GON4L: variants seen among roughly 807,000 people sequenced by gnomAD.
GON4L encodes GON-4-like protein.
A neutral mutation model predicts 211.8 loss-of-function variants in GON4L; 87 were observed. The ratio of observed to expected loss-of-function variants is 0.41; its 90% CI spans 0.35 to 0.49. The LOEUF (loss-of-function observed/expected upper bound fraction) is 0.49, where lower values mean the gene tolerates loss of function less well. Ranked by LOEUF, GON4L falls within the 20% of genes least tolerant of loss-of-function variation. The pLI is 0.15. For synonymous variants in GON4L, 875 were observed against 962.6 expected, an observed-to-expected ratio of 0.91 and a Z score of 1.68; for missense variants, 2,155 against 2,659.5, an observed-to-expected ratio of 0.81 and a Z score of 4.17.
chr1:155,761,037 A>G (rs1447629717), intron 23 of GON4L, among the ~76,000 whole-genome samples: 1 of 152,212 alleles, frequency 6.6e-6, no homozygotes, highest in Non-Finnish European at 1.5e-5. Context: ...AATGTCAGTA[A>G]AACATTAGGA....
rs140223408 is a variant in GON4L at position 155,834,349 on chromosome 1, T to C, written c.506-7321A>G. Among the ~76,000 whole-genome samples, 364 of 152,322 alleles carry C rather than the reference T, an allele frequency of 2.4e-3. 1 individual carries two copies. The highest frequency in any genetic ancestry group is 4.1e-3 in the Non-Finnish European group (282 of 68,020). ...ACTTCTCCAGTTGTTCCTTCTCTGTTATCTTCTTCCTCAAGGCAAGGTTGT... is the reference window on the plus strand; with the variant it reads ...ACTTCTCCAGTTGTTCCTTCTCTGTCATCTTCTTCCTCAAGGCAAGGTTGT... On this transcript the variant is annotated intron_variant, in intron 2 of 31. Coordinates refer to ENST00000368331, the MANE Select transcript of GON4L (RefSeq NM_001282860.2).
intron 11 of GON4L, among the ~76,000 whole-genome samples, chr1:155,801,741 G>A (rs993942293): frequency 2.0e-5 from 3 of 152,022 alleles, no homozygotes; most frequent in Non-Finnish European, 4.4e-5. Flanking sequence ...AGATTAGCCA[G>A]GCAAGGTGGC....
chr1:155,833,910 CT>C, intron 2 of GON4L, among the ~76,000 whole-genome samples: 1 of 152,028 alleles, frequency 6.6e-6, no homozygotes, highest in Middle Eastern at 3.4e-3. Flanking sequence ...TCACTGCAAC[CT>C]TGAACTCCTG....
chr1:155,857,359 A>G (rs893084906), upstream of GON4L: 7 of 152,290 alleles, frequency 4.6e-5, no homozygotes, highest in African/African-American at 7.2e-5. Flanking sequence ...AAAAATTTAA[A>G]GGCACTACTT....
At position 155,773,163 on chromosome 1, in the gene GON4L, T is replaced by C. The variant is rs147535916; in HGVS notation, c.2398A>G (p.Thr800Ala). ...LPKQVAWILATSKVFMYPELL... is the reference protein window; with the variant it reads ...LPKQVAWILAASKVFMYPELL... ...TCTGGATACATGAAAACCTTGCTTG[T>C]GGCCAGAATCCAAGCCACTTGCTTT... The change falls in exon 18 of 32, where the codon ACA (threonine) becomes GCA (alanine). Residue 800 changes from threonine to alanine, a missense_variant. Thr to Ala is a moderately conservative substitution (Grantham distance 58). This residue lies in a region of GON4L where 551 missense variants were observed against 854.0 expected (regional missense o/e 0.65). Coordinates refer to ENST00000368331, the MANE Select transcript of GON4L (RefSeq NM_001282860.2). The C allele has an allele frequency of 3.6e-5, 58 of 1,614,068 alleles. No individual in the cohort carries two copies. In the African/African-American group the frequency reaches 4.5e-4, roughly 13 times the overall value.
At position 155,766,678 on chromosome 1, in the gene GON4L, C is replaced by T. The variant is rs553583157; in HGVS notation, c.2795G>A (p.Arg932Gln). The T allele has an allele frequency of 2.8e-5, 46 of 1,614,152 alleles. No homozygotes were observed. In the East Asian group the frequency reaches 6.5e-4, roughly 23 times the overall value. Residue 932 changes from arginine (R) to glutamine (Q), a missense_variant, in exon 21 of 32, where the codon CGG becomes CAG. By Grantham distance (43) the Arg-to-Gln change is conservative. Coordinates refer to ENST00000368331, the MANE Select transcript of GON4L (RefSeq NM_001282860.2). The stretch of plus-strand genomic sequence containing the variant: ...CTCTCTAGCACCATCAGCCATGTGC[C>T]GCAGTTCTTCCTGGATGGATGGCAG... Reference protein sequence around the residue: ...ASLPSIQEELRHMADGAREVG... With the variant: ...ASLPSIQEELQHMADGAREVG...
intron 22 of GON4L, 136 bp downstream of exon 22, chr1:155,763,176 G>A (rs1174194796): frequency 1.5e-6 from 1 of 664,578 alleles, no homozygotes. Context: ...TTGGGGGAGG[G>A]GTGTTGCAGA....
At chr1:155,810,400 T>C (rs377218063) in intron 10 of GON4L, among the ~76,000 whole-genome samples, 4 of 152,086 alleles carry the variant, frequency 2.6e-5, no homozygotes, top group Non-Finnish European at 5.9e-5. Context: ...TAGGGGAAAC[T>C]TGGAACATTA....
intron 24 of GON4L, among the ~76,000 whole-genome samples, chr1:155,759,914 T>C (rs1424235568): frequency 6.7e-6 from 1 of 148,814 alleles, no homozygotes; most frequent in African/African-American, 2.4e-5. Flanking sequence ...AAACATTGTA[T>C]ACTATATATT....
chr1:155,798,133 T>C (rs1025795225), intron 11 of GON4L, among the ~76,000 whole-genome samples: 15 of 148,542 alleles, frequency 1.0e-4, no homozygotes, highest in Non-Finnish European at 1.3e-4. Flanking sequence ...AATATATATA[T>C]ACTTATACAG....
In GON4L at chr1:155,766,677, C is replaced by T. The variant is rs768666961; in HGVS notation, c.2796G>A (p.Arg932=). 7 of 1,614,076 alleles carry T rather than the reference C, an allele frequency of 4.3e-6. No individual in the cohort carries two copies. The Admixed American group carries it at 6.7e-5, about 15-fold the overall frequency. ...ASLPSIQEEL[R]HMADGAREVG... ...CCTCTCTAGCACCATCAGCCATGTG[C>T]CGCAGTTCTTCCTGGATGGATGGCA... The change falls in exon 21 of 32, where the codon CGG becomes CGA. Residue 932 remains arginine (R), a synonymous_variant. Transcript: ENST00000368331.
Position 155,766,349 on chromosome 1 carries a change from G to C in GON4L, c.3124C>G (p.Pro1042Ala). 6.2e-7 allele frequency: 1 copy of C among 1,614,132 alleles called. No homozygotes were observed. Among genetic ancestry groups the C allele is most frequent in the Non-Finnish European group, 8.5e-7 (1 of 1,180,040 alleles). ...PSKMVLRIPH[P>A]IQPATVLQTV... Reference sequence around the variant, plus strand: ...TGTAAAACAGTGGCTGGCTGTATTGGGTGAGGAATCCGGAGCACCATTTTG... The same window carrying C: ...TGTAAAACAGTGGCTGGCTGTATTGCGTGAGGAATCCGGAGCACCATTTTG... Residue 1042 changes from proline (P) to alanine (A), a missense_variant, in exon 21 of 32, where the codon CCA (proline) becomes GCA (alanine). Pro to Ala is a conservative substitution (Grantham distance 27, BLOSUM62 -1). Around this residue, in one of 6 missense-constraint regions of GON4L, gnomAD observed 615 missense variants for 625.7 expected, o/e 0.98. Coordinates refer to ENST00000368331, the MANE Select transcript of GON4L (RefSeq NM_001282860.2).
chr1:155,801,080 T>C (rs955329610), intron 11 of GON4L, among the ~76,000 whole-genome samples: 11 of 146,496 alleles, frequency 7.5e-5, no homozygotes, highest in Admixed American at 2.8e-4. Flanking sequence ...AACTTTGTTC[T>C]TTAACTCTTC....
At chr1:155,759,966 TA>T (rs1661607708) in intron 24 of GON4L, among the ~76,000 whole-genome samples, 1 of 96,044 alleles carries the variant, frequency 1.0e-5, no homozygotes, top group African/African-American at 8.0e-5. Flanking sequence ...TTTTATATAT[TA>T]TATATATATA....
chr1:155,782,251 C>T (rs1319215667), intron 14 of GON4L, among the ~76,000 whole-genome samples: 1 of 152,144 alleles, frequency 6.6e-6, no homozygotes, highest in African/African-American at 2.4e-5. Context: ...TTTGCATTTG[C>T]AACTGAAAGA....
At chr1:155,758,818 GC>G (rs927575852) in intron 24 of GON4L, among the ~76,000 whole-genome samples, 1 of 152,208 alleles carries the variant, frequency 6.6e-6, no homozygotes, top group African/African-American at 2.4e-5. Context: ...GGCAGAGGTT[GC>G]AGTAAGCAGA....
chr1:155,792,362 C>T (rs1463942612), intron 12 of GON4L, among the ~76,000 whole-genome samples: 3 of 152,196 alleles, frequency 2.0e-5, no homozygotes, highest in Non-Finnish European at 4.4e-5. Flanking sequence ...TCTACTCCAG[C>T]TTTCACTATC....
intron 28 of GON4L, 64 bp from the exon 29 acceptor site, chr1:155,753,478 C>T: frequency 8.1e-7 from 1 of 1,232,632 alleles, no homozygotes; most frequent in Non-Finnish European, 1.2e-6. Context: ...TGGGGCCCAC[C>T]AAAGGAAGAA....
rs1660625448 is a variant in GON4L at position 155,751,797 on chromosome 1, G to C, written c.6546C>G (p.Ser2182=). ...GAQPQTFNII[S]QQLGNKTPAE... ...CAGGGGTCTTATTTCCCAGCTGCTGGGAGATGATGTTGAAGGTCTGTGGCT... is the reference window on the plus strand; with the variant it reads ...CAGGGGTCTTATTTCCCAGCTGCTGCGAGATGATGTTGAAGGTCTGTGGCT... The change falls in exon 31 of 32, where the codon TCC becomes TCG. Residue 2182 remains serine (S), a synonymous_variant. Coordinates refer to ENST00000368331, the MANE Select transcript of GON4L (RefSeq NM_001282860.2). The C allele has an allele frequency of 6.2e-7, 1 of 1,613,652 alleles. No individual in the cohort carries two copies. The highest frequency in any genetic ancestry group is 1.3e-5 in the African/African-American group (1 of 74,920).
Sources: gnomAD v4.1 joint callset for allele counts (sites outside exome capture counted in the v4.1 genomes callset) on GRCh38, gnomAD v4.1.1 for gene constraint, gnomAD v4.1.1 regional missense constraint, MANE v1.5 for transcripts, NCBI Gene and HGNC (gene_info 2026-07-23, HGNC 2026-07-21) for gene names.